The following PTPRT variants were observed in gnomAD, a reference collection of about 807,000 sequenced individuals.
PTPRT encodes the protein protein tyrosine phosphatase receptor type T, also known as receptor-type tyrosine-protein phosphatase T.
A neutral mutation model predicts 176.8 loss-of-function variants in PTPRT; 56 were observed. The observed-to-expected ratio is 0.32, with a 90% confidence interval of 0.26 to 0.40. PTPRT has a LOEUF of 0.40. Among genes scored for constraint, PTPRT ranks in the 10% least tolerant of loss-of-function variants. The probability of loss-of-function intolerance (pLI) is 1.00; values close to 1 mark genes in which losing one functional copy is unlikely to be tolerated. For synonymous variants in PTPRT, 783 were observed against 739.0 expected, an observed-to-expected ratio of 1.06 and a Z score of -0.96; for missense variants, 1,540 against 1,908.2, an observed-to-expected ratio of 0.81 and a Z score of 3.60.
chr20:42,744,793 C>A (rs1385844310), intron 6 of PTPRT, among the ~76,000 whole-genome samples: 1 of 152,198 alleles, frequency 6.6e-6, no homozygotes, highest in African/African-American at 2.4e-5. Flanking sequence ...GGGGGGTGAG[C>A]AGATGAGGAA....
At chr20:42,483,346 T>C (rs1287414794) in intron 7 of PTPRT, among the ~76,000 whole-genome samples, 1 of 152,158 alleles carries the variant, frequency 6.6e-6, no homozygotes, top group African/African-American at 2.4e-5. Context: ...GTATTTTTAG[T>C]AGAGATGGGG....
chr20:42,643,487 A>AT (rs1425949168), intron 7 of PTPRT, among the ~76,000 whole-genome samples: 12 of 150,566 alleles, frequency 8.0e-5, no homozygotes, highest in Admixed American at 3.3e-4. Flanking sequence ...ACACTCAGCT[A>AT]TTTTTTTTTA....
At chr20:43,102,195 T>C (rs2012415602) in intron 1 of PTPRT, among the ~76,000 whole-genome samples, 1 of 151,914 alleles carries the variant, frequency 6.6e-6, no homozygotes, top group Non-Finnish European at 1.5e-5. Flanking sequence ...ATTCAGACCA[T>C]AGCATATGTC....
At chr20:42,306,315 A>C (rs1481531172) in intron 12 of PTPRT, among the ~76,000 whole-genome samples, 3 of 152,190 alleles carry the variant, frequency 2.0e-5, no homozygotes, top group Non-Finnish European at 4.4e-5. Flanking sequence ...TAAGGCTCAA[A>C]CAATGGAATG....
chr20:42,878,516 T>A (rs986136456), intron 2 of PTPRT, among the ~76,000 whole-genome samples: 2 of 152,182 alleles, frequency 1.3e-5, no homozygotes, highest in African/African-American at 4.8e-5. Flanking sequence ...AATATATATT[T>A]CTCTAGCCTG....
intron 1 of PTPRT, among the ~76,000 whole-genome samples, chr20:43,051,732 G>GA (rs199583026): frequency 4.0e-5 from 6 of 150,020 alleles, no homozygotes; most frequent in East Asian, 2.0e-4. Context: ...ATCTCTCTAG[G>GA]AAAAAAATCT....
intron 16 of PTPRT, among the ~76,000 whole-genome samples, chr20:42,175,707 G>C (rs1283990974): frequency 1.3e-5 from 2 of 152,104 alleles, no homozygotes; most frequent in Non-Finnish European, 2.9e-5. Context: ...TCTTGAGTCG[G>C]CATTAATGAT....
chr20:42,364,908 C>T (rs2058492971), intron 9 of PTPRT, among the ~76,000 whole-genome samples: 1 of 152,212 alleles, frequency 6.6e-6, no homozygotes, highest in African/African-American at 2.4e-5. Flanking sequence ...GATGGGATAA[C>T]AAAGGAGTCA....
At position 42,438,394 on chromosome 20, in the gene PTPRT, C is replaced by T. The variant is rs113293587; in HGVS notation, c.1560+9826G>A. On this transcript the variant is annotated intron_variant, in intron 9 of 30. Transcript: ENST00000373187. ...AAAGAAAGTTTCTCCCCTGGTGTTA[C>T]CATGGCACGGATATGAGGTGATCAC... Among the ~76,000 whole-genome samples the T allele has an allele frequency of 6.6e-3, 999 of 152,248 alleles. 13 individuals are homozygous for T. Among genetic ancestry groups the T allele is most frequent in the African/African-American group, 0.023 (944 of 41,538 alleles).
intron 16 of PTPRT, among the ~76,000 whole-genome samples, chr20:42,162,664 C>A (rs6030017): frequency 6.6e-6 from 1 of 152,146 alleles, no homozygotes. Flanking sequence ...TAATGTGTCT[C>A]CCCCAGATGT....
intron 7 of PTPRT, among the ~76,000 whole-genome samples, chr20:42,661,270 C>T (rs2075218906): frequency 6.6e-6 from 1 of 152,082 alleles, no homozygotes; most frequent in Non-Finnish European, 1.5e-5. Flanking sequence ...AACTAGTTCA[C>T]ACAAAACTTT....
intron 4 of PTPRT, among the ~76,000 whole-genome samples, chr20:42,775,343 G>C (rs753284319): frequency 2.3e-4 from 35 of 152,228 alleles, no homozygotes; most frequent in Non-Finnish European, 4.3e-4. Flanking sequence ...ACGCACATTA[G>C]AAACATGTTG....
intron 1 of PTPRT, among the ~76,000 whole-genome samples, chr20:43,007,141 T>C (rs1409483250): frequency 2.6e-5 from 4 of 152,154 alleles, no homozygotes; most frequent in Admixed American, 2.6e-4. Context: ...TAAACAGGAT[T>C]TGAAACCTCA....
intron 2 of PTPRT, among the ~76,000 whole-genome samples, chr20:42,844,080 T>C (rs1317710402): frequency 6.6e-6 from 1 of 152,206 alleles, no homozygotes; most frequent in African/African-American, 2.4e-5. Flanking sequence ...TTTACGCAGG[T>C]GAGCATCAGA....
At chr20:42,967,107 A>G (rs1175557998) in intron 1 of PTPRT, among the ~76,000 whole-genome samples, 1 of 152,150 alleles carries the variant, frequency 6.6e-6, no homozygotes, top group African/African-American at 2.4e-5. Context: ...TTTGTGCAAG[A>G]GCCCAGCCCT....
downstream of PTPRT, among the ~76,000 whole-genome samples, chr20:42,070,735 C>A (rs1982287330): frequency 6.6e-6 from 1 of 152,046 alleles, no homozygotes; most frequent in South Asian, 2.1e-4. Context: ...TTAACAGGTA[C>A]CTTTGAGAAG....
intron 13 of PTPRT, among the ~76,000 whole-genome samples, chr20:42,276,554 T>TATAA (rs1568731944): frequency 1.2e-4 from 11 of 89,882 alleles, no homozygotes; most frequent in African/African-American, 4.9e-4. Context: ...TATATATATA[T>TATAA]ATATAATGTT....
intron 13 of PTPRT, among the ~76,000 whole-genome samples, chr20:42,277,774 C>T (rs2057066295): frequency 6.6e-6 from 1 of 151,846 alleles, no homozygotes; most frequent in Non-Finnish European, 1.5e-5. Context: ...ATAGTGGACA[C>T]TTTACCTCTG....
At chr20:42,139,125 A>T (rs575415341) in intron 18 of PTPRT, among the ~76,000 whole-genome samples, 1 of 151,192 alleles carries the variant, frequency 6.6e-6, no homozygotes, top group East Asian at 1.9e-4. Context: ...TTTTTTTTCC[A>T]TTTCCCTTTT....
Sources: allele counts gnomAD v4.1 joint callset (sites outside exome capture counted in the v4.1 genomes callset), GRCh38; gene constraint gnomAD v4.1.1; transcripts MANE v1.5; gene names NCBI Gene and HGNC (gene_info 2026-07-23, HGNC 2026-07-21).